DNPEP: variants seen among roughly 807,000 people sequenced by gnomAD.
The protein encoded by DNPEP is aspartyl aminopeptidase.
Under a neutral mutation model 59.1 loss-of-function variants are expected in DNPEP, and 46 were observed. The observed-to-expected ratio is 0.78, with a 90% CI of 0.61 to 0.99. The LOEUF (loss-of-function observed/expected upper bound fraction) is 0.99, where lower values mean the gene tolerates loss of function less well. Ranked by LOEUF, DNPEP falls within the 50% of genes least tolerant of loss-of-function variation. The pLI is 0.00. For missense variants in DNPEP, 617 were observed against 649.9 expected (o/e 0.95, Z 0.55); for synonymous variants, 229 against 242.2 (o/e 0.95, Z 0.50).
At chr2:219,399,770 C>G in intron 1 of DNPEP, 1 of 996,128 alleles carries the variant, frequency 1.0e-6, no homozygotes, top group African/African-American at 1.6e-5. Flanking sequence ...TCTCTTTATC[C>G]CCATAATGCC....
At chr2:219,386,640 C>T (rs1165627974) in intron 4 of DNPEP, 25 bp downstream of exon 4, 1 of 1,593,880 alleles carries the variant, frequency 6.3e-7, no homozygotes, top group East Asian at 2.2e-5. Context: ...TCTCCTCCCA[C>T]CCCAACACCG....
chr2:219,377,184 G>A (rs1953406231), intron 13 of DNPEP, among the ~76,000 whole-genome samples: 1 of 138,522 alleles, frequency 7.2e-6, no homozygotes, highest in Non-Finnish European at 1.5e-5. Context: ...TGAGACAGAA[G>A]GATCACTTGA....
rs1304153678 is a variant in DNPEP at position 219,386,652 on chromosome 2, C to T, written c.333+13G>A. On this transcript the variant is annotated intron_variant, in intron 4 of 14. Transcript: ENST00000273075. ...ACATCTCCTCCCACCCCAACACCGT[C>T]CGAGTTCCTTACCCGGAGGCAGGGG... The T allele has an allele frequency of 1.9e-6, 3 of 1,605,696 alleles. No individual in the cohort carries two copies. The highest frequency in any genetic ancestry group is 2.2e-5 in the South Asian group (2 of 89,438).
rs369797000 is a variant in DNPEP at position 219,383,127 on chromosome 2, G to T, written c.936+4C>A. The T allele has an allele frequency of 1.2e-6, 2 of 1,613,632 alleles. No individual in the cohort carries two copies. Among genetic ancestry groups the T allele is most frequent in the African/African-American group, 2.7e-5 (2 of 74,932 alleles). ...GGTGACCCTCCCCAGAACCCTCCACGTACCTCTTCGTTGTCATAGAGTGTG... is the reference window on the plus strand; with the variant it reads ...GGTGACCCTCCCCAGAACCCTCCACTTACCTCTTCGTTGTCATAGAGTGTG... On this transcript the variant is annotated splice_donor_region_variant and intron_variant, in intron 10 of 14. Transcript: ENST00000273075.
Position 219,372,454 on chromosome 2 carries a change from C to T in DNPEP, c.*1838G>A, listed in dbSNP as rs1953221141. Among the ~76,000 whole-genome samples, 1 of 152,128 alleles carries T rather than the reference C, an allele frequency of 6.6e-6. No homozygotes were observed. ...AATCTTGGCTCACTGCAGCCTCTGC[C>T]TCCCTGGCTCAAGCTATTCTCCTGC... On this transcript the variant is annotated 3_prime_UTR_variant, in exon 15 of 15. Coordinates refer to ENST00000273075, the MANE Select transcript of DNPEP (RefSeq NM_012100.4).
chr2:219,381,850 G>T, intron 11 of DNPEP, 129 bp downstream of exon 11: 1 of 1,189,582 alleles, frequency 8.4e-7, no homozygotes, highest in Non-Finnish European at 1.2e-6. Flanking sequence ...AAAAGGAAGT[G>T]CCCGTGAACC....
At chr2:219,377,222 C>T (rs1224040245) in intron 13 of DNPEP, among the ~76,000 whole-genome samples, 3 of 123,622 alleles carry the variant, frequency 2.4e-5, no homozygotes, top group Non-Finnish European at 4.7e-5. Flanking sequence ...TGCAATGAGC[C>T]GAGATCACGC....
intron 1 of DNPEP, chr2:219,399,750 A>T (rs1954155905): frequency 2.4e-6 from 2 of 825,370 alleles, no homozygotes; most frequent in Non-Finnish European, 3.9e-6. Context: ...AGGGGACCCT[A>T]TTTCATTCAT....
At chr2:219,391,630 A>G (rs959251860), upstream of DNPEP, among the ~76,000 whole-genome samples, 6 of 152,078 alleles carry the variant, frequency 3.9e-5, no homozygotes, top group East Asian at 1.9e-4. Flanking sequence ...AAATTTGACA[A>G]TCAGTTCTCA....
intron 4 of DNPEP, 29 bp from the exon 5 acceptor site, chr2:219,386,440 A>C (rs1159501277): frequency 1.2e-6 from 2 of 1,613,994 alleles, no homozygotes; most frequent in East Asian, 2.2e-5. Context: ...AAGTCAGAGA[A>C]GGCTTCATGA....
upstream of DNPEP, chr2:219,388,074 C>A: frequency 2.0e-6 from 1 of 496,512 alleles, no homozygotes; most frequent in Non-Finnish European, 2.9e-6. Flanking sequence ...CCGCCCTTGC[C>A]CCGCCCCTAG....
chr2:219,376,825 A>C (rs566608452), intron 13 of DNPEP, among the ~76,000 whole-genome samples: 2 of 152,304 alleles, frequency 1.3e-5, no homozygotes. Flanking sequence ...TGTATGGGTC[A>C]CTGTCAGGTC....
At chr2:219,383,537 C>A (rs1302711659) in intron 9 of DNPEP, among the ~76,000 whole-genome samples, 1 of 148,252 alleles carries the variant, frequency 6.7e-6, no homozygotes, top group East Asian at 2.0e-4. Flanking sequence ...ACCTTTTCAA[C>A]TGGGACAGGA....
chr2:219,374,417 C>G, intron 14 of DNPEP, 75 bp from the exon 15 acceptor site: 1 of 1,351,628 alleles, frequency 7.4e-7, no homozygotes, highest in Non-Finnish European at 1.1e-6. Flanking sequence ...CACCTCCCAC[C>G]AACATATGTT....
chr2:219,385,851 C>A, intron 6 of DNPEP, 117 bp downstream of exon 6: 1 of 1,491,086 alleles, frequency 6.7e-7, no homozygotes, highest in East Asian at 2.4e-5. Context: ...TGTGAGGACC[C>A]TTAGAAATTA....
In DNPEP at chr2:219,384,451, G is replaced by A. The variant is rs1484549943; in HGVS notation, c.775-8C>T. Reference sequence around the variant, plus strand: ...ATAGGCACCACCCAAGACCTAGAGAGGTAAGACAGTCAGCCCGACCTTCAA... The same window carrying A: ...ATAGGCACCACCCAAGACCTAGAGAAGTAAGACAGTCAGCCCGACCTTCAA... On this transcript the variant is annotated splice_region_variant and splice_polypyrimidine_tract_variant and intron_variant, in intron 8 of 14. Transcript: ENST00000273075. 4 of 1,607,808 alleles carry A rather than the reference G, an allele frequency of 2.5e-6. No individual in the cohort carries two copies. The highest frequency in any genetic ancestry group is 1.7e-5 in the Admixed American group (1 of 59,434).
chr2:219,384,512 G>A, intron 8 of DNPEP, 69 bp from the exon 9 acceptor site: 3 of 1,374,032 alleles, frequency 2.2e-6, no homozygotes, highest in Non-Finnish European at 3.0e-6. Context: ...TTGCTCCCAA[G>A]GGTCTCCTTG....
rs762176536 is a variant in DNPEP at position 219,387,088 on chromosome 2, T to A, written c.112A>T (p.Ser38Cys). ...CGCTTACCATGGAAAGGAGAGGGAC[T>A]CCGGTTCACGAACTTGAGGAGTTCC... ...AKELLKFVNR[S>C]PSPFHAVAEC... The change falls in exon 2 of 15, where the codon AGT becomes TGT. Residue 38 changes from serine (S) to cysteine (C), a missense_variant. Coordinates refer to ENST00000273075, the MANE Select transcript of DNPEP (RefSeq NM_012100.4). 6.3e-7 allele frequency: 1 copy of A among 1,597,466 alleles called. No individual in the cohort carries two copies. The highest frequency in any genetic ancestry group is 8.5e-7 in the Non-Finnish European group (1 of 1,171,060).
intron 1 of DNPEP, among the ~76,000 whole-genome samples, chr2:219,396,281 T>G (rs1442303722): frequency 1.3e-5 from 2 of 152,126 alleles, no homozygotes; most frequent in African/African-American, 4.8e-5. Context: ...ATGCCCAGTT[T>G]AATTTGAATT....
Sources: gnomAD v4.1 joint callset for allele counts (sites outside exome capture counted in the v4.1 genomes callset) on GRCh38, gnomAD v4.1.1 for gene constraint, MANE v1.5 for transcripts, NCBI Gene and HGNC (gene_info 2026-07-23, HGNC 2026-07-21) for gene names.